Variants in ANKRD12 observed in about 807,000 individuals in gnomAD.
The protein encoded by ANKRD12 is ankyrin repeat domain-containing protein 12.
In ANKRD12, 85 loss-of-function variants were observed where a neutral mutation model predicts 183.4. That is an observed-to-expected ratio of 0.46 (90% CI 0.39 to 0.56). The LOEUF is 0.56. Among genes scored for constraint, ANKRD12 ranks in the 20% least tolerant of loss-of-function variants. The probability of loss-of-function intolerance (pLI) is 0.00; values close to 1 mark genes in which losing one functional copy is unlikely to be tolerated. For synonymous variants in ANKRD12, 914 were observed against 800.2 expected (o/e 1.14, Z -2.40); for missense variants, 2,405 against 2,357.1 (o/e 1.02, Z -0.42).
chr18:9,231,956 T>C (rs2144877573), intron 8 of ANKRD12, among the ~76,000 whole-genome samples: 1 of 152,362 alleles, frequency 6.6e-6, no homozygotes, highest in African/African-American at 2.4e-5. Flanking sequence ...AAAATACATT[T>C]CTTATAGGCA....
At chr18:9,148,653 T>C (rs796080077) in intron 1 of ANKRD12, among the ~76,000 whole-genome samples, 21 of 152,294 alleles carry the variant, frequency 1.4e-4, no homozygotes, top group African/African-American at 4.8e-4. Flanking sequence ...TCTAGGCTTC[T>C]TGTTCTTGTT....
chr18:9,167,472 T>C (rs1167165668), intron 1 of ANKRD12, among the ~76,000 whole-genome samples: 1 of 152,198 alleles, frequency 6.6e-6, no homozygotes, highest in Non-Finnish European at 1.5e-5. Context: ...TTATTCTCTT[T>C]GAAGCAATTG....
At chr18:9,239,288 T>A (rs993672101) in intron 8 of ANKRD12, among the ~76,000 whole-genome samples, 3 of 152,244 alleles carry the variant, frequency 2.0e-5, no homozygotes, top group African/African-American at 7.2e-5. Flanking sequence ...ATTGTAGCTA[T>A]GAAAAGCAGC....
chr18:9,227,152 A>G (rs2036765338), intron 8 of ANKRD12, among the ~76,000 whole-genome samples: 1 of 152,152 alleles, frequency 6.6e-6, no homozygotes, highest in South Asian at 2.1e-4. Context: ...CATTTAATTT[A>G]CACTCATATA....
Position 9,250,473 on chromosome 18 carries a change from C to T in ANKRD12, c.944-3738C>T, listed in dbSNP as rs556329039. Among the ~76,000 whole-genome samples, 4 of 152,176 alleles carry T rather than the reference C, an allele frequency of 2.6e-5. No homozygotes were observed. The South Asian group carries it at 8.3e-4, about 32-fold the overall frequency. ...GTGGCTCACACCTGTATTCCCAGCA[C>T]TTTGGGAGGCTGAGGTGGGAGGATT... On this transcript the variant is annotated intron_variant, in intron 8 of 12. Coordinates refer to ENST00000262126, the MANE Select transcript of ANKRD12 (RefSeq NM_015208.5).
At chr18:9,222,111 C>A in intron 8 of ANKRD12, 112 bp downstream of exon 8, 1 of 1,314,510 alleles carries the variant, frequency 7.6e-7, no homozygotes, top group Non-Finnish European at 1.0e-6. Context: ...ATAATGCTGG[C>A]TAGCTAGAAT....
At chr18:9,137,127 G>A (rs893483933) in intron 1 of ANKRD12, 162 bp downstream of exon 1, 2 of 151,188 alleles carry the variant, frequency 1.3e-5, no homozygotes. Flanking sequence ...GCCCCCCCCG[G>A]TCCCGACGCG....
chr18:9,151,079 G>T (rs1568223580), intron 1 of ANKRD12, among the ~76,000 whole-genome samples: 1 of 152,164 alleles, frequency 6.6e-6, no homozygotes. Context: ...TATTACTTTA[G>T]GAAAATATGA....
intron 3 of ANKRD12, among the ~76,000 whole-genome samples, chr18:9,202,455 A>G (rs1006919028): frequency 6.6e-6 from 1 of 152,194 alleles, no homozygotes; most frequent in Admixed American, 6.5e-5. Flanking sequence ...TTTTCATGGC[A>G]GTTATTCATG....
intron 1 of ANKRD12, among the ~76,000 whole-genome samples, chr18:9,173,057 G>T (rs1333017597): frequency 6.7e-6 from 1 of 149,312 alleles, no homozygotes; most frequent in East Asian, 2.0e-4. Context: ...CTGCCCAGCT[G>T]AGGTTGCTGA....
At chr18:9,242,091 C>G (rs2037697415) in intron 8 of ANKRD12, among the ~76,000 whole-genome samples, 1 of 151,922 alleles carries the variant, frequency 6.6e-6, no homozygotes, top group Non-Finnish European at 1.5e-5. Context: ...GCAAATTCTG[C>G]TTGCAGCTGC....
chr18:9,280,816 A>T, intron 12 of ANKRD12, 125 bp from the exon 13 acceptor site: 1 of 845,252 alleles, frequency 1.2e-6, no homozygotes, highest in Non-Finnish European at 1.9e-6. Flanking sequence ...ATGGACTTGT[A>T]ATTCAAATGC....
intron 2 of ANKRD12, among the ~76,000 whole-genome samples, chr18:9,187,115 T>C (rs780308004): frequency 1.3e-5 from 2 of 152,138 alleles, no homozygotes; most frequent in Non-Finnish European, 2.9e-5. Context: ...TCTGCTAAGT[T>C]GTTTTTCCCC....
Position 9,255,485 on chromosome 18 carries a change from C to A in ANKRD12, c.2218C>A (p.His740Asn). 6.4e-7 allele frequency: 1 copy of A among 1,563,942 alleles called. No homozygotes were observed. Among genetic ancestry groups the A allele is most frequent in the South Asian group, 1.2e-5 (1 of 81,290 alleles). Residue 740 changes from histidine to asparagine, a missense_variant, in exon 9 of 13, where the codon CAT (histidine) becomes AAT (asparagine). Around this residue, in one of 7 missense-constraint regions of ANKRD12, gnomAD observed 1,983 missense variants for 1,725.9 expected, o/e 1.15. Transcript: ENST00000262126. The part of the protein sequence containing the change: ...IKDDKSTKEK[H>N]VSKERNFKEE... ...AGATGATAAATCAACCAAGGAAAAGCATGTGTCAAAAGAGAGGAACTTTAA... is the reference window on the plus strand; with the variant it reads ...AGATGATAAATCAACCAAGGAAAAGAATGTGTCAAAAGAGAGGAACTTTAA...
intron 1 of ANKRD12, among the ~76,000 whole-genome samples, chr18:9,177,735 C>G (rs1455906605): frequency 6.6e-6 from 1 of 152,208 alleles, no homozygotes; most frequent in East Asian, 1.9e-4. Context: ...CCCCCACCCT[C>G]CACACGTACC....
At chr18:9,234,238 G>A (rs898177496) in intron 8 of ANKRD12, among the ~76,000 whole-genome samples, 6 of 152,166 alleles carry the variant, frequency 3.9e-5, no homozygotes, top group African/African-American at 7.2e-5. Context: ...CCAGCCTCCC[G>A]TGGTAGCAGC....
intron 8 of ANKRD12, among the ~76,000 whole-genome samples, chr18:9,238,822 A>G (rs1035433498): frequency 2.0e-5 from 3 of 151,776 alleles, no homozygotes; most frequent in African/African-American, 4.9e-5. Context: ...TTCGGTGAGA[A>G]AGAGAGTAAT....
At position 9,157,603 on chromosome 18, in the gene ANKRD12, ATT is replaced by A. The variant is rs560783016; in HGVS notation, c.-52+20654_-52+20655del. Among the ~76,000 whole-genome samples the A allele has an allele frequency of 3.1e-4, 26 of 84,612 alleles. 1 individual carries two copies. The highest frequency in any genetic ancestry group is 1.0e-3 in the East Asian group (3 of 2,958). The allele number at this position is 84,612 out of a possible 152,430, so 55.5% of individuals were successfully genotyped here. A position where few individuals can be genotyped will look rare whatever the true frequency, so the allele number is the denominator to read the frequency against. ...TGTGTGTGTATATATATATATATGT[ATT>A]TTTTTTTTTTTTTTTGAGATGGAGT... On this transcript the variant is annotated intron_variant, in intron 1 of 12. Coordinates refer to ENST00000262126, the MANE Select transcript of ANKRD12 (RefSeq NM_015208.5).
intron 2 of ANKRD12, among the ~76,000 whole-genome samples, chr18:9,192,996 T>C (rs1469098826): frequency 1.3e-5 from 2 of 152,132 alleles, no homozygotes; most frequent in African/African-American, 4.8e-5. Flanking sequence ...ATTTACTGTT[T>C]TCTGTGGTAA....
Sources: allele counts gnomAD v4.1 joint callset (sites outside exome capture counted in the v4.1 genomes callset), GRCh38; gene constraint gnomAD v4.1.1; regional missense constraint gnomAD v4.1.1; transcripts MANE v1.5; gene names NCBI Gene and HGNC (gene_info 2026-07-23, HGNC 2026-07-21).